The following PIGK variants were observed in gnomAD, a reference collection of about 807,000 sequenced individuals.
The protein encoded by PIGK is GPI-anchor transamidase.
In PIGK, 42 loss-of-function variants were observed where a neutral mutation model predicts 50.6. The observed-to-expected ratio is 0.83, with a 90% CI of 0.65 to 1.07. The LOEUF is 1.07. Among genes scored for constraint, PIGK ranks in the 50% least tolerant of loss-of-function variants. PIGK has a pLI of 0.00. For missense variants in PIGK, 448 were observed against 488.7 expected, an observed-to-expected ratio of 0.92 and a Z score of 0.78; for synonymous variants, 151 against 156.0, an observed-to-expected ratio of 0.97 and a Z score of 0.24.
At chr1:77,098,961 A>G (rs192695967) in intron 10 of PIGK, among the ~76,000 whole-genome samples, 183 of 152,280 alleles carry the variant, frequency 1.2e-3, no homozygotes, top group African/African-American at 3.1e-3. Flanking sequence ...CTGGAAAATA[A>G]CCCATTAACA....
intron 1 of PIGK, among the ~76,000 whole-genome samples, chr1:77,213,274 C>T (rs1350851882): frequency 6.6e-6 from 1 of 152,158 alleles, no homozygotes; most frequent in Non-Finnish European, 1.5e-5. Context: ...TTCTCGTCAG[C>T]ACGTGGAACA....
chr1:77,212,253 C>T (rs1003178046), intron 1 of PIGK, among the ~76,000 whole-genome samples: 1 of 152,052 alleles, frequency 6.6e-6, no homozygotes, highest in Non-Finnish European at 1.5e-5. Context: ...ATTACTAGAC[C>T]TGTCAGAATG....
Position 77,206,661 on chromosome 1 carries a change from T to C in PIGK, c.218A>G (p.Lys73Arg). 2 of 1,606,800 alleles carry C rather than the reference T, an allele frequency of 1.2e-6. No homozygotes were observed. Among genetic ancestry groups the C allele is most frequent in the Non-Finnish European group, 1.7e-6 (2 of 1,173,574 alleles). Reference sequence around the variant, plus strand: ...TTACCTGTCAGGAATACCTAGCCTCTTGACACTTCTATAAACAGAAAGGGT... The same window carrying C: ...TTACCTGTCAGGAATACCTAGCCTCCTGACACTTCTATAAACAGAAAGGGT... ...ANTLSVYRSVKRLGIPDSHIV... is the reference protein window; with the variant it reads ...ANTLSVYRSVRRLGIPDSHIV... The change falls in exon 3 of 11, where the codon AAG becomes AGG. Residue 73 changes from lysine (K) to arginine (R), a missense_variant. Lys to Arg is a conservative substitution (Grantham distance 26). Transcript: ENST00000370812.
chr1:77,175,286 G>A (rs1056254370), intron 3 of PIGK, among the ~76,000 whole-genome samples: 2 of 152,088 alleles, frequency 1.3e-5, no homozygotes, highest in Non-Finnish European at 2.9e-5. Context: ...ATGCAAAGAA[G>A]GTTATAAAGA....
Position 77,097,421 on chromosome 1 carries a change from A to T in PIGK, c.1072-4931T>A, listed in dbSNP as rs144093123. On this transcript the variant is annotated intron_variant, in intron 10 of 10. Coordinates refer to ENST00000370812, the MANE Select transcript of PIGK (RefSeq NM_005482.3). ...CCCTTTAAAGTTACCAATTAGAGGT[A>T]ATCACATGTTGCGCCCGTGCTGGAG... Among the ~76,000 whole-genome samples the T allele has an allele frequency of 3.9e-5, 6 of 152,276 alleles. 1 individual carries two copies. Among genetic ancestry groups the T allele is most frequent in the Non-Finnish European group, 7.4e-5 (5 of 68,006 alleles).
Position 77,129,254 on chromosome 1 carries a change from T to C in PIGK, c.987-6895A>G, listed in dbSNP as rs985255961. ...TGCATATACAAAAAGCCACGAAGTA[T>C]CTGAAAGATGTCACTTTACAGAAAC... On this transcript the variant is annotated intron_variant, in intron 9 of 10. Transcript: ENST00000370812. 4.4e-6 allele frequency: 7 copies of C among 1,608,922 alleles called. No individual in the cohort carries two copies. The African/African-American group carries it at 8.0e-5, about 18-fold the overall frequency.
At chr1:77,219,266 C>G in intron 1 of PIGK, 44 bp downstream of exon 1, 2 of 1,523,786 alleles carry the variant, frequency 1.3e-6, no homozygotes, top group Non-Finnish European at 1.8e-6. Flanking sequence ...CTGGAGGGCT[C>G]ACAGCCGGCC....
rs766122822 is a variant in PIGK, at chr1:77,154,472, C to T, written c.963G>A (p.Gln321=). ...EITTETIKLQ[Q]DSEIMESSYK... ...ACCTGCTTTCCATGATTTCTGAATC[C>T]TGTTGCAATTTAATAGTCTCTGTTG... The change falls in exon 9 of 11, where the codon CAG becomes CAA. Residue 321 remains glutamine (Q), a synonymous_variant. Coordinates refer to ENST00000370812, the MANE Select transcript of PIGK (RefSeq NM_005482.3). The T allele has an allele frequency of 7.5e-6, 12 of 1,609,736 alleles. No individual in the cohort carries two copies. The highest frequency in any genetic ancestry group is 1.0e-5 in the Non-Finnish European group (12 of 1,177,254).
chr1:77,114,113 C>T (rs1329932836), intron 10 of PIGK, among the ~76,000 whole-genome samples: 3 of 152,068 alleles, frequency 2.0e-5, no homozygotes, highest in African/African-American at 7.2e-5. Context: ...CTGTTGACAC[C>T]TCCTTCATCA....
At chr1:77,218,329 G>A (rs1405378926) in intron 1 of PIGK, among the ~76,000 whole-genome samples, 1 of 152,198 alleles carries the variant, frequency 6.6e-6, no homozygotes, top group African/African-American at 2.4e-5. Flanking sequence ...GAGGCCTATG[G>A]AAAACAAGAT....
At position 77,157,101 on chromosome 1, in the gene PIGK, G is replaced by A. The variant is rs1655025934; in HGVS notation, c.814-2480C>T. 2.0e-5 allele frequency among the ~76,000 whole-genome samples: 3 copies of A among 152,250 alleles called. No homozygotes were observed. The South Asian group carries it at 6.2e-4, about 32-fold the overall frequency. The stretch of plus-strand genomic sequence containing the variant: ...CAATGACACTATAAATTTTTAAGGG[G>A]CTAACACCAGGTCTTCAAATTTTGC... On this transcript the variant is annotated intron_variant, in intron 8 of 10. Coordinates refer to ENST00000370812, the MANE Select transcript of PIGK (RefSeq NM_005482.3).
In PIGK at chr1:77,169,396, C is replaced by T. The variant is rs1655306315; in HGVS notation, c.240-1G>A. ...ATCTGCAAGCATTAGGACAATGTGA[C>T]TAGGGAAAAAAAATCCAGTAAATAT... On this transcript the variant is annotated splice_acceptor_variant, in intron 3 of 10. Transcript: ENST00000370812. LOFTEE classifies it high-confidence loss of function. 10 of 1,574,916 alleles carry T rather than the reference C, an allele frequency of 6.3e-6. No homozygotes were observed. Among genetic ancestry groups the T allele is most frequent in the Non-Finnish European group, 7.7e-6 (9 of 1,166,690 alleles).
rs543998956 is a variant in PIGK, at chr1:77,143,628, A to G, written c.986+10821T>C. Among the ~76,000 whole-genome samples the G allele has an allele frequency of 2.6e-4, 40 of 152,252 alleles. 2 individuals are homozygous for G. The East Asian group carries it at 5.6e-3, about 21-fold the overall frequency. The stretch of plus-strand genomic sequence containing the variant: ...AGTTGCCTGAAAAAACAACAATCAT[A>G]ATTTATTTGAAGGTATAACCTACCT... On this transcript the variant is annotated intron_variant, in intron 9 of 10. Coordinates refer to ENST00000370812, the MANE Select transcript of PIGK (RefSeq NM_005482.3).
chr1:77,098,585 C>T (rs2100509407), intron 10 of PIGK, among the ~76,000 whole-genome samples: 1 of 152,236 alleles, frequency 6.6e-6, no homozygotes, highest in Non-Finnish European at 1.5e-5. Context: ...ATCCTCCACC[C>T]ACCTTGGCCT....
At chr1:77,115,793 T>C (rs758096088) in intron 10 of PIGK, among the ~76,000 whole-genome samples, 13 of 152,158 alleles carry the variant, frequency 8.5e-5, no homozygotes, top group Admixed American at 1.3e-4. Context: ...TCTAATCTTT[T>C]GTGCAGCTTA....
rs181053548 is a variant in PIGK at position 77,125,675 on chromosome 1, A to G, written c.987-3316T>C. On this transcript the variant is annotated intron_variant, in intron 9 of 10. Coordinates refer to ENST00000370812, the MANE Select transcript of PIGK (RefSeq NM_005482.3). ...CCCTTTTGTTTTAAGGTCTAATACT[A>G]TATCTTAAAAGTTGATTGTTATAAA... Among the ~76,000 whole-genome samples, 64 of 152,230 alleles carry G rather than the reference A, an allele frequency of 4.2e-4. No homozygotes were observed. The East Asian group carries it at 9.2e-3, about 22-fold the overall frequency.
Position 77,161,150 on chromosome 1 carries a change from G to A in PIGK, c.813+145C>T, listed in dbSNP as rs1054434611. On this transcript the variant is annotated intron_variant, in intron 8 of 10. Transcript: ENST00000370812. ...AGAGACAGAGAAATACTAATATACA[G>A]GTAAAAGGTAGATATCAAATAGTTT... 6.6e-6 allele frequency: 4 copies of A among 604,166 alleles called. No homozygotes were observed. In the East Asian group the frequency reaches 1.1e-4, roughly 17 times the overall value. The allele number at this position is 604,166 out of a possible 1,614,324, so 37.4% of individuals were successfully genotyped here. A position where few individuals can be genotyped will look rare whatever the true frequency, so the allele number is the denominator to read the frequency against.
chr1:77,177,272 T>G (rs1024488700), intron 3 of PIGK, among the ~76,000 whole-genome samples: 7 of 152,184 alleles, frequency 4.6e-5, no homozygotes, highest in Admixed American at 3.9e-4. Context: ...GCACCAAAAC[T>G]GGCCATAAAC....
intron 10 of PIGK, among the ~76,000 whole-genome samples, chr1:77,116,593 TGTGCGC>T (rs1262335247): frequency 2.9e-5 from 2 of 68,486 alleles, no homozygotes; most frequent in African/African-American, 1.4e-4. Context: ...TGTGTGTGTG[TGTGCGC>T]GTGTGTGTGT....
Sources: allele counts gnomAD v4.1 joint callset (sites outside exome capture counted in the v4.1 genomes callset), GRCh38; gene constraint gnomAD v4.1.1; transcripts MANE v1.5; gene names NCBI Gene and HGNC (gene_info 2026-07-23, HGNC 2026-07-21).